Variants in LRCH2 observed in about 807,000 individuals in gnomAD.
LRCH2 encodes leucine-rich repeat and calponin homology domain-containing protein 2.
LRCH2 carries 38 observed loss-of-function variants against 68.9 expected under a neutral mutation model. The ratio of observed to expected loss-of-function variants is 0.55; its 90% confidence interval spans 0.43 to 0.72. The LOEUF (loss-of-function observed/expected upper bound fraction) is 0.72. LRCH2 is among the 30% of genes least tolerant of loss of function. The pLI, the probability that LRCH2 is intolerant of heterozygous loss-of-function variation, is 0.00. For missense variants in LRCH2, 528 were observed against 572.9 expected (o/e 0.92, Z 0.80); for synonymous variants, 191 against 208.1 (o/e 0.92, Z 0.71).
chrX:115,155,252 T>C (rs1323376113), intron 12 of LRCH2, among the ~76,000 whole-genome samples: 3 of 109,425 alleles, frequency 2.7e-5, no homozygotes, highest in African/African-American at 6.6e-5. Flanking sequence ...TAACAGAAAG[T>C]ATGTGAGATT....
At chrX:115,179,942 C>G (rs1556551926) in intron 3 of LRCH2, among the ~76,000 whole-genome samples, 191 bp from the exon 4 acceptor site, 1 of 110,604 alleles carries the variant, frequency 9.0e-6, no homozygotes, top group Non-Finnish European at 1.9e-5. Flanking sequence ...CGACCTAGTA[C>G]AGTAAATAGA....
Position 115,112,530 on chromosome X carries a change from T to A in LRCH2, c.*686A>T, listed in dbSNP as rs1034971862. 2 of 111,605 alleles carry A rather than the reference T, an allele frequency of 1.8e-5. No homozygotes were observed. Among genetic ancestry groups the A allele is most frequent in the African/African-American group, 3.3e-5 (1 of 30,748 alleles). 9.2% of individuals were successfully genotyped at this position (111,605 alleles called of 1,213,427 possible). On this transcript the variant is annotated 3_prime_UTR_variant, in exon 21 of 21. Coordinates refer to ENST00000317135, the MANE Select transcript of LRCH2 (RefSeq NM_020871.4). ...TTAAATCCTCACATATTACTGACTT[T>A]ACAAAATCTACTAAAATATTTTAAA...
intron 14 of LRCH2, among the ~76,000 whole-genome samples, chrX:115,137,480 G>A (rs1294944974): frequency 1.8e-5 from 2 of 108,593 alleles, no homozygotes; most frequent in Non-Finnish European, 3.8e-5. Context: ...AGAGCAAGCA[G>A]AAGAAAAGTT....
At chrX:115,133,355 T>G (rs1250258426) in intron 14 of LRCH2, among the ~76,000 whole-genome samples, 1 of 112,117 alleles carries the variant, frequency 8.9e-6, no homozygotes, top group Non-Finnish European at 1.9e-5. Flanking sequence ...GGAATGACAG[T>G]GAAAGCTAGA....
At chrX:115,156,500 T>C in intron 12 of LRCH2, 102 bp downstream of exon 12, 1 of 441,776 alleles carries the variant, frequency 2.3e-6, no homozygotes. Context: ...ATATTAAATC[T>C]GTATCACTTA....
intron 14 of LRCH2, among the ~76,000 whole-genome samples, chrX:115,133,373 C>A (rs972541239): frequency 8.1e-4 from 91 of 112,080 alleles, no homozygotes; most frequent in African/African-American, 2.9e-3. Context: ...AGAGTAAAAC[C>A]AAGCTGGCCC....
chrX:115,126,783 T>C (rs1392976535), intron 16 of LRCH2, 60 bp downstream of exon 16: 76 of 895,369 alleles, frequency 8.5e-5, no homozygotes, highest in African/African-American at 1.5e-4. Context: ...AAGACTCTTA[T>C]GTAAAACACA....
chrX:115,218,056 G>C (rs1321172702), intron 1 of LRCH2, among the ~76,000 whole-genome samples: 1 of 111,053 alleles, frequency 9.0e-6, no homozygotes, highest in African/African-American at 3.3e-5. Flanking sequence ...CATATCCTTC[G>C]CTCAGTTTTT....
At chrX:115,117,052 T>A (rs1297169656) in intron 20 of LRCH2, among the ~76,000 whole-genome samples, 1 of 111,407 alleles carries the variant, frequency 9.0e-6, no homozygotes, top group Non-Finnish European at 1.9e-5. Context: ...TGTAAAGAAA[T>A]CTGAAATTCA....
At chrX:115,120,886 C>T (rs1446543592) in intron 20 of LRCH2, among the ~76,000 whole-genome samples, 108 of 106,747 alleles carry the variant, frequency 1.0e-3, no homozygotes, top group Non-Finnish European at 1.6e-3. Context: ...ATGGATGAAA[C>T]TGGAAATCAT....
intron 1 of LRCH2, among the ~76,000 whole-genome samples, chrX:115,228,123 C>A (rs1056898945): frequency 6.3e-5 from 7 of 111,930 alleles, no homozygotes; most frequent in Admixed American, 9.5e-5. Context: ...TACAGTTTGA[C>A]CTTTAGCAGA....
At chrX:115,223,475 A>T (rs1184529805) in intron 1 of LRCH2, among the ~76,000 whole-genome samples, 9 of 110,758 alleles carry the variant, frequency 8.1e-5, no homozygotes, top group Non-Finnish European at 1.7e-4. Context: ...CTTACAACTC[A>T]GTAATGAAAA....
At chrX:115,190,328 G>A (rs782037075) in intron 1 of LRCH2, 22 of 1,157,092 alleles carry the variant, frequency 1.9e-5, no homozygotes, top group Middle Eastern at 2.4e-4. Flanking sequence ...GATCATCCCA[G>A]CAAAGGCTCC....
rs782289528 is a variant in LRCH2, at chrX:115,191,957, G to C, written c.350-3587C>G. On this transcript the variant is annotated intron_variant, in intron 1 of 20. Transcript: ENST00000317135. ...GGAGGCCACTCACCCAACGCCTACA[G>C]TGGGGGCCGTGACAGTTCCAGCAAC... The C allele has an allele frequency of 3.4e-6, 4 of 1,164,842 alleles. No homozygotes were observed. In the African/African-American group the frequency reaches 7.2e-5, roughly 21 times the overall value.
At position 115,189,339 on chromosome X, in the gene LRCH2, C is replaced by T. The variant is rs782509934; in HGVS notation, c.350-969G>A. On this transcript the variant is annotated intron_variant, in intron 1 of 20. Transcript: ENST00000317135. Reference sequence around the variant, plus strand: ...TTTCCTTCTTGAGACATCCACCCCCCCAACCGGTAGGAGCCGCCCTCCACG... The same window carrying T: ...TTTCCTTCTTGAGACATCCACCCCCTCAACCGGTAGGAGCCGCCCTCCACG... 30 of 908,043 alleles carry T rather than the reference C, an allele frequency of 3.3e-5. 1 individual carries two copies. In the Admixed American group the frequency reaches 9.1e-4, roughly 28 times the overall value. The allele number at this position is 908,043 out of a possible 1,213,427, so 74.8% of individuals were successfully genotyped here. A position where few individuals can be genotyped will look rare whatever the true frequency, so the allele number is the denominator to read the frequency against.
chrX:115,206,760 C>T (rs1368257849), intron 1 of LRCH2, among the ~76,000 whole-genome samples: 9 of 110,111 alleles, frequency 8.2e-5, no homozygotes, highest in African/African-American at 2.3e-4. Flanking sequence ...ATTCCTCTAG[C>T]GCCGCTGGGT....
intron 1 of LRCH2, among the ~76,000 whole-genome samples, chrX:115,205,978 A>G (rs782748262): frequency 1.2e-4 from 13 of 111,471 alleles, no homozygotes; most frequent in East Asian, 8.4e-4. Context: ...AAAAAGGCAA[A>G]TAAACTACCA....
chrX:115,165,162 A>AATC (rs1556543887), intron 10 of LRCH2, among the ~76,000 whole-genome samples: 1 of 110,565 alleles, frequency 9.0e-6, no homozygotes, highest in African/African-American at 3.3e-5. Flanking sequence ...CAATAATAAT[A>AATC]ATAGAAGTCA....
intron 1 of LRCH2, among the ~76,000 whole-genome samples, chrX:115,194,545 C>G (rs1556562619): frequency 8.9e-6 from 1 of 112,174 alleles, no homozygotes; most frequent in Non-Finnish European, 1.9e-5. Context: ...GTTTGTTATT[C>G]TGTATAATAC....
Sources: gnomAD v4.1 joint callset for allele counts (sites outside exome capture counted in the v4.1 genomes callset) on GRCh38, gnomAD v4.1.1 for gene constraint, MANE v1.5 for transcripts, NCBI Gene and HGNC (gene_info 2026-07-23, HGNC 2026-07-21) for gene names.